ATE1: variants seen among roughly 807,000 people sequenced by gnomAD.
ATE1 encodes the protein arginyltransferase 1.
In ATE1, 36 loss-of-function variants were observed where a neutral mutation model predicts 70.5. That is an observed-to-expected ratio of 0.51 (90% confidence interval 0.39 to 0.67). The LOEUF is 0.67. Among genes scored for constraint, ATE1 ranks in the 30% least tolerant of loss-of-function variants. ATE1 has a pLI of 0.00. For missense variants in ATE1, 593 were observed against 629.5 expected (o/e 0.94, Z 0.62); for synonymous variants, 232 against 219.3 (o/e 1.06, Z -0.51).
chr10:121,808,186 A>G (rs1370421056), intron 10 of ATE1, among the ~76,000 whole-genome samples: 1 of 152,338 alleles, frequency 6.6e-6, no homozygotes, highest in East Asian at 1.9e-4. Context: ...AGATGTACGA[A>G]TGTTTCTCAA....
At chr10:121,866,364 A>G (rs1402414127) in intron 8 of ATE1, among the ~76,000 whole-genome samples, 2 of 152,320 alleles carry the variant, frequency 1.3e-5, no homozygotes, top group African/African-American at 4.8e-5. Context: ...TTCCTCTCCA[A>G]TGTCATAAAC....
chr10:121,881,249 T>C (rs915989668), intron 7 of ATE1, among the ~76,000 whole-genome samples: 2 of 152,214 alleles, frequency 1.3e-5, no homozygotes, highest in African/African-American at 4.8e-5. Flanking sequence ...TTCACTGGGC[T>C]TCTACTCCAT....
At chr10:121,927,354 T>A (rs904325067) in intron 1 of ATE1, 27 of 984,598 alleles carry the variant, frequency 2.7e-5, no homozygotes, top group Non-Finnish European at 3.1e-5. Flanking sequence ...TTTTTTTTTT[T>A]AACCCAGAGA....
intron 8 of ATE1, among the ~76,000 whole-genome samples, chr10:121,857,905 G>A (rs149813158): frequency 5.2e-4 from 79 of 152,262 alleles, no homozygotes; most frequent in African/African-American, 1.9e-3. Context: ...GTAGCCACTT[G>A]ACTACTGTAT....
At chr10:121,854,695 C>G (rs534538763) in intron 8 of ATE1, among the ~76,000 whole-genome samples, 164 of 152,288 alleles carry the variant, frequency 1.1e-3, no homozygotes, top group African/African-American at 3.7e-3. Flanking sequence ...AAAAAACGGT[C>G]AGGCAGACAG....
intron 6 of ATE1, among the ~76,000 whole-genome samples, chr10:121,900,360 A>C (rs1340606164): frequency 1.3e-5 from 2 of 152,192 alleles, no homozygotes; most frequent in Non-Finnish European, 2.9e-5. Flanking sequence ...TCTAAGAAAG[A>C]CTAAAAATAT....
At chr10:121,786,732 C>T (rs1946230706) in intron 11 of ATE1, among the ~76,000 whole-genome samples, 1 of 151,930 alleles carries the variant, frequency 6.6e-6, no homozygotes, top group Non-Finnish European at 1.5e-5. Flanking sequence ...TTGTTTTTTA[C>T]CAAAAGCAAG....
In ATE1 at chr10:121,743,857, C is replaced by T. The variant is rs779107972; in HGVS notation, c.1380G>A (p.Val460=). Residue 460 remains valine, a splice_region_variant and synonymous_variant, in exon 12 of 12, where the codon GTG becomes GTA. Transcript: ENST00000224652. Reference sequence around the variant, plus strand: ...CAGGTTCCGTACTGCGATCCTCATCCACTGCAACGACAAAAAATACTGATT... The same window carrying T: ...CAGGTTCCGTACTGCGATCCTCATCTACTGCAACGACAAAAAATACTGATT... ...YCRFNQDPEA[V]DEDRSTEPDR... is the part of the protein sequence containing the mutation. The T allele has an allele frequency of 2.5e-6, 4 of 1,591,944 alleles. No homozygotes were observed. The Admixed American group carries it at 7.3e-5, about 29-fold the overall frequency.
At chr10:121,764,405 G>A (rs2135814763) in intron 11 of ATE1, among the ~76,000 whole-genome samples, 1 of 149,664 alleles carries the variant, frequency 6.7e-6, no homozygotes, top group South Asian at 2.1e-4. Context: ...GGGACGCCAA[G>A]ACAAGAGAAT....
At position 121,902,462 on chromosome 10, in the gene ATE1, A is replaced by G; in HGVS notation, c.742T>C (p.Ser248Pro). 6.2e-7 allele frequency: 1 copy of G among 1,614,170 alleles called. No individual in the cohort carries two copies. Among genetic ancestry groups the G allele is most frequent in the South Asian group, 1.1e-5 (1 of 91,088 alleles). The change falls in exon 6 of 12, where the codon TCC becomes CCC. Residue 248 changes from serine (S) to proline (P), a missense_variant. By Grantham distance (74) the Ser-to-Pro change is moderately conservative. Coordinates refer to ENST00000224652, the MANE Select transcript of ATE1 (RefSeq NM_001001976.3). ...PPSLFPPKAK[S>P]NQPKSLEDLI... ...TCTTCGAGTGATTTTGGCTGGTTGGATTTAGCCTTTGGTGGAAACAAAGAT... is the reference window on the plus strand; with the variant it reads ...TCTTCGAGTGATTTTGGCTGGTTGGGTTTAGCCTTTGGTGGAAACAAAGAT...
rs754297760 is a variant in ATE1, at chr10:121,790,164, C to G, written c.1378+5G>C. 1.2e-6 allele frequency: 2 copies of G among 1,613,760 alleles called. No homozygotes were observed. Among genetic ancestry groups the G allele is most frequent in the African/African-American group, 2.7e-5 (2 of 74,894 alleles). On this transcript the variant is annotated splice_donor_5th_base_variant and intron_variant, in intron 11 of 11. Transcript: ENST00000224652. ...ATTTCCAGCTGAGCTCAGCTCCAAA[C>G]ATACCTGCTTCTGGGTCCTGGTTGA... is the stretch of plus-strand genomic sequence containing the variant.
At chr10:121,773,692 C>CTAT (rs1377290983) in intron 11 of ATE1, among the ~76,000 whole-genome samples, 1 of 152,078 alleles carries the variant, frequency 6.6e-6, no homozygotes, top group Non-Finnish European at 1.5e-5. Flanking sequence ...TCAGAAGGTC[C>CTAT]TATATACAGC....
At chr10:121,834,133 T>C (rs1238111268) in intron 10 of ATE1, among the ~76,000 whole-genome samples, 2 of 152,192 alleles carry the variant, frequency 1.3e-5, no homozygotes, top group South Asian at 2.1e-4. Flanking sequence ...TTGGCTGACT[T>C]TGTGACATTC....
At chr10:121,842,015 G>T (rs1449542714) in intron 8 of ATE1, among the ~76,000 whole-genome samples, 1 of 152,168 alleles carries the variant, frequency 6.6e-6, no homozygotes, top group Non-Finnish European at 1.5e-5. Flanking sequence ...AAAAGGGTGA[G>T]GTGAGATACT....
chr10:121,913,848 A>C lies in ATE1; in HGVS notation c.279T>G (p.Val93=). The part of the protein sequence containing the change: ...QFQPSKSHKK[V]LKKMLKFLAK... ...CTAGAAATTTCAACATTTTTTTCAA[A>C]ACCTTCTTGTGAGATTTTGAAGGCT... Residue 93 remains valine (V), a synonymous_variant, in exon 4 of 12, where the codon GTT becomes GTG. Transcript: ENST00000224652. 1 of 1,613,090 alleles carries C rather than the reference A, an allele frequency of 6.2e-7. No individual in the cohort carries two copies. The highest frequency in any genetic ancestry group is 8.5e-7 in the Non-Finnish European group (1 of 1,179,264).
intron 10 of ATE1, among the ~76,000 whole-genome samples, chr10:121,820,663 G>A (rs1220951326): frequency 6.6e-6 from 1 of 152,166 alleles, no homozygotes; most frequent in African/African-American, 2.4e-5. Flanking sequence ...TAATTCTACA[G>A]GAAGAGAGCA....
At chr10:121,763,847 C>T (rs1945161630) in intron 11 of ATE1, among the ~76,000 whole-genome samples, 1 of 152,056 alleles carries the variant, frequency 6.6e-6, no homozygotes, top group African/African-American at 2.4e-5. Flanking sequence ...AACCTCCACT[C>T]TACTAAAAAT....
intron 10 of ATE1, among the ~76,000 whole-genome samples, chr10:121,803,505 A>G (rs1946976564): frequency 6.6e-6 from 1 of 152,254 alleles, no homozygotes; most frequent in South Asian, 2.1e-4. Context: ...AAATTGTGTC[A>G]GCAATGTCCT....
At chr10:121,892,763 C>T (rs193099731) in intron 7 of ATE1, among the ~76,000 whole-genome samples, 90 of 152,148 alleles carry the variant, frequency 5.9e-4, no homozygotes, top group African/African-American at 1.8e-3. Context: ...GATCCACCTG[C>T]CTTGGCCTCC....
Sources: allele counts gnomAD v4.1 joint callset (sites outside exome capture counted in the v4.1 genomes callset), GRCh38; gene constraint gnomAD v4.1.1; transcripts MANE v1.5; gene names NCBI Gene and HGNC (gene_info 2026-07-23, HGNC 2026-07-21).